The following IL23R variants were observed in gnomAD, a reference collection of about 807,000 sequenced individuals.
IL23R encodes the protein interleukin-23 receptor.
Under a neutral mutation model 56.9 loss-of-function variants are expected in IL23R, and 34 were observed. The observed-to-expected ratio is 0.60, with a 90% CI of 0.45 to 0.80. The LOEUF is 0.80. Ranked by LOEUF, IL23R falls within the 30% of genes least tolerant of loss-of-function variation. The pLI is 0.00. For synonymous variants in IL23R, 230 were observed against 249.2 expected (o/e 0.92, Z 0.73); for missense variants, 635 against 730.0 (o/e 0.87, Z 1.50).
At chr1:67,257,772 C>T (rs891881695) in intron 10 of IL23R, among the ~76,000 whole-genome samples, 5 of 152,300 alleles carry the variant, frequency 3.3e-5, no homozygotes, top group Middle Eastern at 3.4e-3. Context: ...GGCATGATCT[C>T]AGCTCACTGC....
intron 6 of IL23R, among the ~76,000 whole-genome samples, chr1:67,211,583 A>G (rs971164587): frequency 1.2e-4 from 18 of 152,072 alleles, no homozygotes; most frequent in Admixed American, 7.9e-4. Context: ...AGATGGAGCC[A>G]CTGCACTCCA....
chr1:67,224,743 C>T (rs934751065), intron 7 of IL23R, among the ~76,000 whole-genome samples: 2 of 152,106 alleles, frequency 1.3e-5, no homozygotes, highest in Non-Finnish European at 2.9e-5. Flanking sequence ...AAAATCAATC[C>T]TCCAGAATAC....
At chr1:67,258,171 A>C (rs536164203) in intron 10 of IL23R, among the ~76,000 whole-genome samples, 2 of 152,324 alleles carry the variant, frequency 1.3e-5, no homozygotes, top group South Asian at 4.1e-4. Context: ...TTAAGTAATA[A>C]GTAATAAGTT....
chr1:67,223,843 C>A (rs1446034737), intron 7 of IL23R, among the ~76,000 whole-genome samples: 1 of 152,050 alleles, frequency 6.6e-6, no homozygotes, highest in East Asian at 1.9e-4. Flanking sequence ...TCCATTTTAT[C>A]CATTATCAAT....
rs542108648 is a variant in IL23R, at chr1:67,207,602, G to A, written c.798+547G>A. ...TCTGATGCGTTTATCAGAGGTTTCC[G>A]CTTTTGCTTCTTCCTCATTTTCTCT... On this transcript the variant is annotated intron_variant, in intron 6 of 10. Coordinates refer to ENST00000347310, the MANE Select transcript of IL23R (RefSeq NM_144701.3). 8 of 383,018 alleles carry A rather than the reference G, an allele frequency of 2.1e-5. No homozygotes were observed. The East Asian group carries it at 3.5e-4, about 17-fold the overall frequency. The allele number at this position is 383,018 out of a possible 1,614,324, so 23.7% of individuals were successfully genotyped here.
At chr1:67,240,114 T>G (rs762730995) in intron 8 of IL23R, 65 bp from the exon 9 acceptor site, 3 of 1,129,798 alleles carry the variant, frequency 2.7e-6, no homozygotes, top group Non-Finnish European at 4.0e-6. Context: ...GTAAAGAGAA[T>G]AGTAATTCTG....
At chr1:67,223,188 A>T (rs1479746356) in intron 7 of IL23R, among the ~76,000 whole-genome samples, 2 of 152,182 alleles carry the variant, frequency 1.3e-5, no homozygotes, top group South Asian at 4.1e-4. Context: ...TGAGAGGCGG[A>T]GGTTGCAGTG....
At chr1:67,149,702 T>G (rs941121047) in intron 1 of IL23R, among the ~76,000 whole-genome samples, 1 of 152,188 alleles carries the variant, frequency 6.6e-6, no homozygotes, top group Non-Finnish European at 1.5e-5. Context: ...TGGAGGTTCA[T>G]TTTTCAATCA....
At chr1:67,184,153 T>C (rs947455144) in intron 4 of IL23R, among the ~76,000 whole-genome samples, 1 of 151,844 alleles carries the variant, frequency 6.6e-6, no homozygotes, top group Non-Finnish European at 1.5e-5. Context: ...GAGAATTGCT[T>C]GAACCCAGGA....
chr1:67,245,376 T>TGTC (rs1652149080), intron 9 of IL23R, among the ~76,000 whole-genome samples: 1 of 152,210 alleles, frequency 6.6e-6, no homozygotes, highest in Admixed American at 6.5e-5. Flanking sequence ...ACAGCATCCT[T>TGTC]GTCTTGTGCT....
rs773635455 is a variant in IL23R at position 67,255,845 on chromosome 1, G to A, written c.1157G>A (p.Arg386Lys). The A allele has an allele frequency of 4.6e-6, 7 of 1,528,604 alleles. No homozygotes were observed. The highest frequency in any genetic ancestry group is 1.4e-5 in the African/African-American group (1 of 73,268). The allele number at this position is 1,528,604 out of a possible 1,614,324, so 94.7% of individuals were successfully genotyped here. Residue 386 changes from arginine to lysine, a missense_variant, in exon 10 of 11, where the codon AGA (arginine) becomes AAA (lysine). Transcript: ENST00000347310. ...FNRSFRTGIKRRILLLIPKWL... is the reference protein window; with the variant it reads ...FNRSFRTGIKKRILLLIPKWL... Reference sequence around the variant, plus strand: ...TCATTTTTGTTTTTTAGGATTAAAAGAAGGATCTTATTGTTAATACCAAAG... The same window carrying A: ...TCATTTTTGTTTTTTAGGATTAAAAAAAGGATCTTATTGTTAATACCAAAG...
intron 4 of IL23R, among the ~76,000 whole-genome samples, chr1:67,198,763 G>C (rs1648373695): frequency 6.6e-6 from 1 of 152,162 alleles, no homozygotes; most frequent in Non-Finnish European, 1.5e-5. Context: ...TGGGTATCAT[G>C]GGAAAACCCC....
At chr1:67,222,713 A>G (rs1395201737) in intron 7 of IL23R, among the ~76,000 whole-genome samples, 3 of 152,242 alleles carry the variant, frequency 2.0e-5, no homozygotes, top group Non-Finnish European at 4.4e-5. Flanking sequence ...GAAACTGGGC[A>G]TGACTTACTA....
chr1:67,186,785 A>AT (rs971088482), intron 4 of IL23R, among the ~76,000 whole-genome samples: 6 of 151,656 alleles, frequency 4.0e-5, no homozygotes, highest in African/African-American at 9.7e-5. Context: ...CGCCCAGCTG[A>AT]TTTTTTTTGT....
chr1:67,230,447 A>G (rs760604746), intron 7 of IL23R, among the ~76,000 whole-genome samples: 3 of 152,178 alleles, frequency 2.0e-5, no homozygotes, highest in Non-Finnish European at 2.9e-5. Context: ...ATTCTTTCAT[A>G]TAGAGTTTTG....
intron 3 of IL23R, among the ~76,000 whole-genome samples, chr1:67,173,825 C>T (rs1646975760): frequency 1.3e-5 from 2 of 152,080 alleles, no homozygotes; most frequent in Admixed American, 6.6e-5. Context: ...CATAATCCCT[C>T]TTTAATAATT....
chr1:67,200,944 G>A (rs1261854557), intron 5 of IL23R, 47 bp downstream of exon 5: 3 of 1,586,478 alleles, frequency 1.9e-6, no homozygotes, highest in Non-Finnish European at 1.7e-6. Flanking sequence ...ACCAGTTTGT[G>A]CTGACCTTGT....
At chr1:67,169,750 T>C (rs1646919031) in intron 3 of IL23R, 112 bp downstream of exon 3, 4 of 1,060,464 alleles carry the variant, frequency 3.8e-6, no homozygotes, top group Admixed American at 1.9e-5. Flanking sequence ...AGTTTTTAGA[T>C]TAGTTTCATA....
intron 4 of IL23R, among the ~76,000 whole-genome samples, chr1:67,194,170 C>G (rs1647950964): frequency 6.6e-6 from 1 of 152,160 alleles, no homozygotes; most frequent in South Asian, 2.1e-4. Context: ...TCCCTGAACC[C>G]AGTCCTTTTG....
Sources: gnomAD v4.1 joint callset for allele counts (sites outside exome capture counted in the v4.1 genomes callset) on GRCh38, gnomAD v4.1.1 for gene constraint, MANE v1.5 for transcripts, NCBI Gene and HGNC (gene_info 2026-07-23, HGNC 2026-07-21) for gene names.